The following PLCB1 variants were observed in gnomAD, a reference collection of about 807,000 sequenced individuals.
PLCB1 encodes 1-phosphatidylinositol 4,5-bisphosphate phosphodiesterase beta-1.
Under a neutral mutation model 161.8 loss-of-function variants are expected in PLCB1, and 46 were observed. The ratio of observed to expected loss-of-function variants is 0.28; its 90% CI spans 0.22 to 0.36. The LOEUF (loss-of-function observed/expected upper bound fraction) is 0.36. Ranked by LOEUF, PLCB1 falls within the 10% of genes least tolerant of loss-of-function variation. The probability of loss-of-function intolerance (pLI) is 1.00; values close to 1 mark genes in which losing one functional copy is unlikely to be tolerated. For synonymous variants in PLCB1, 517 were observed against 503.7 expected (o/e 1.03, Z -0.35); for missense variants, 1,016 against 1,472.5 (o/e 0.69, Z 5.07).
chr20:8,811,227 G>A (rs1255973085), intron 31 of PLCB1, among the ~76,000 whole-genome samples: 1 of 152,156 alleles, frequency 6.6e-6, no homozygotes, highest in Non-Finnish European at 1.5e-5. Context: ...GTGGGGAAGG[G>A]AACCAGGTAA....
rs917037849 is a variant in PLCB1 at position 8,204,124 on chromosome 20, A to G, written c.177+53753A>G. Among the ~76,000 whole-genome samples the G allele has an allele frequency of 2.0e-5, 3 of 152,174 alleles. No individual in the cohort carries two copies. The South Asian group carries it at 6.2e-4, about 32-fold the overall frequency. On this transcript the variant is annotated intron_variant, in intron 2 of 31. Transcript: ENST00000338037. ...TGGACTGGAATGGGTTAGAAGGAAG[A>G]TGAACTGTGGAAAGAGAGAGCTAAG...
chr20:8,875,250 A>T (rs1343218014), intron 31 of PLCB1, among the ~76,000 whole-genome samples: 1 of 150,526 alleles, frequency 6.6e-6, no homozygotes, highest in East Asian at 1.9e-4. Context: ...TGTCTTGCTT[A>T]AAAAGGTCTC....
chr20:8,851,611 T>A (rs1019144308), intron 31 of PLCB1, among the ~76,000 whole-genome samples: 2 of 152,230 alleles, frequency 1.3e-5, no homozygotes, highest in Admixed American at 1.3e-4. Context: ...GGCCTGGAAG[T>A]ACCACTAAGA....
chr20:8,797,343 C>A (rs1279661200), intron 31 of PLCB1, among the ~76,000 whole-genome samples: 1 of 152,004 alleles, frequency 6.6e-6, no homozygotes, highest in East Asian at 1.9e-4. Flanking sequence ...CTCAGTTCTG[C>A]AAAAACTCTA....
intron 2 of PLCB1, among the ~76,000 whole-genome samples, chr20:8,204,039 A>G (rs1978389371): frequency 6.6e-6 from 1 of 152,120 alleles, no homozygotes; most frequent in African/African-American, 2.4e-5. Context: ...ATCAGGATCT[A>G]CTTCTGGGAG....
At chr20:8,762,450 CTCA>C (rs1982091497) in intron 25 of PLCB1, among the ~76,000 whole-genome samples, 1 of 152,200 alleles carries the variant, frequency 6.6e-6, no homozygotes, top group South Asian at 2.1e-4. Flanking sequence ...AACAGCCTCT[CTCA>C]TCTACAGACT....
intron 2 of PLCB1, among the ~76,000 whole-genome samples, chr20:8,192,867 G>C (rs2051984425): frequency 1.3e-5 from 2 of 151,962 alleles, no homozygotes; most frequent in African/African-American, 4.8e-5. Context: ...GGGATTTCCA[G>C]TTTCCAGTTC....
chr20:8,803,312 G>T (rs1209017330), intron 31 of PLCB1, among the ~76,000 whole-genome samples: 1 of 151,950 alleles, frequency 6.6e-6, no homozygotes, highest in Admixed American at 6.6e-5. Context: ...CATTTTAACT[G>T]GCCAGGATGT....
intron 3 of PLCB1, among the ~76,000 whole-genome samples, chr20:8,425,218 G>T (rs1236196008): frequency 1.3e-5 from 2 of 151,584 alleles, no homozygotes; most frequent in Non-Finnish European, 2.9e-5. Context: ...CAGAGGCTAG[G>T]GTGAAGTTAC....
chr20:8,744,679 T>G (rs1465144470), intron 23 of PLCB1, among the ~76,000 whole-genome samples: 1 of 101,780 alleles, frequency 9.8e-6, no homozygotes, highest in Non-Finnish European at 2.0e-5. Flanking sequence ...TGTTTGTAAA[T>G]ATTTCCTGAT....
At chr20:8,508,962 G>A (rs73899204) in intron 3 of PLCB1, among the ~76,000 whole-genome samples, 3,024 of 152,166 alleles carry the variant, frequency 0.02, 105 homozygotes, top group African/African-American at 0.069. Context: ...CCAACTTTTA[G>A]TTGCCATTTA....
chr20:8,660,552 T>C (rs1989594338), intron 9 of PLCB1, among the ~76,000 whole-genome samples: 1 of 152,100 alleles, frequency 6.6e-6, no homozygotes. Flanking sequence ...TGGTATCCAA[T>C]GCCTCCATAC....
chr20:8,344,118 A>G (rs1212453723), intron 2 of PLCB1, among the ~76,000 whole-genome samples: 1 of 152,182 alleles, frequency 6.6e-6, no homozygotes, highest in Non-Finnish European at 1.5e-5. Flanking sequence ...AGGCAGCTAG[A>G]TGCAAGGATT....
chr20:8,772,188 C>T (rs910551790), intron 26 of PLCB1, among the ~76,000 whole-genome samples: 2 of 151,662 alleles, frequency 1.3e-5, no homozygotes, highest in African/African-American at 4.8e-5. Flanking sequence ...CAGGCCTGTT[C>T]CTAATACTCT....
At chr20:8,289,825 C>T (rs1983302761) in intron 2 of PLCB1, among the ~76,000 whole-genome samples, 1 of 152,186 alleles carries the variant, frequency 6.6e-6, no homozygotes, top group Non-Finnish European at 1.5e-5. Flanking sequence ...CCCATGACTC[C>T]AAACCATTAG....
intron 2 of PLCB1, among the ~76,000 whole-genome samples, chr20:8,311,170 T>C (rs1984383751): frequency 1.3e-5 from 2 of 152,214 alleles, no homozygotes; most frequent in Non-Finnish European, 2.9e-5. Flanking sequence ...CCACTTGGGA[T>C]GTATTCATTT....
Position 8,790,279 on chromosome 20 carries a change from A to C in PLCB1, c.3423+18A>C, listed in dbSNP as rs201519375. The C allele has an allele frequency of 1.5e-5, 24 of 1,573,114 alleles. No individual in the cohort carries two copies. The East Asian group carries it at 4.6e-4, about 30-fold the overall frequency. On this transcript the variant is annotated intron_variant, in intron 31 of 31. Coordinates refer to ENST00000338037, the MANE Select transcript of PLCB1 (RefSeq NM_015192.4). ...AGCCCAAGGTAAACGGAACTGAATTAAAATGAACAATTATTTTATTTGATT... is the reference window on the plus strand; with the variant it reads ...AGCCCAAGGTAAACGGAACTGAATTCAAATGAACAATTATTTTATTTGATT...
intron 2 of PLCB1, among the ~76,000 whole-genome samples, chr20:8,274,462 G>T (rs578244130): frequency 1.3e-5 from 2 of 151,498 alleles, no homozygotes; most frequent in Non-Finnish European, 2.9e-5. Context: ...CCTCTGTTTG[G>T]ATTTTTGTTA....
intron 31 of PLCB1, among the ~76,000 whole-genome samples, chr20:8,880,123 AG>A (rs954657389): frequency 3.3e-5 from 5 of 152,300 alleles, no homozygotes; most frequent in Admixed American, 2.6e-4. Flanking sequence ...ACAGGTTTTA[AG>A]TCCATGTCTT....
Sources: gnomAD v4.1 joint callset for allele counts (sites outside exome capture counted in the v4.1 genomes callset) on GRCh38, gnomAD v4.1.1 for gene constraint, MANE v1.5 for transcripts, NCBI Gene and HGNC (gene_info 2026-07-23, HGNC 2026-07-21) for gene names.